The following MYO5A variants were observed in gnomAD, a reference collection of about 807,000 sequenced individuals.
MYO5A encodes the protein unconventional myosin-Va.
Under a neutral mutation model 249.7 loss-of-function variants are expected in MYO5A, and 98 were observed. The observed-to-expected ratio is 0.39, with a 90% CI of 0.33 to 0.46. MYO5A has a LOEUF of 0.46. Among genes scored for constraint, MYO5A ranks in the 20% least tolerant of loss-of-function variants. The pLI, the probability that MYO5A is intolerant of heterozygous loss-of-function variation, is 0.98. For missense variants in MYO5A, 1,696 were observed against 2,308.8 expected, an observed-to-expected ratio of 0.73 and a Z score of 5.44; for synonymous variants, 778 against 810.6, an observed-to-expected ratio of 0.96 and a Z score of 0.68.
At chr15:52,401,223 T>C (rs776108343) in intron 9 of MYO5A, among the ~76,000 whole-genome samples, 3 of 151,980 alleles carry the variant, frequency 2.0e-5, no homozygotes, top group African/African-American at 7.2e-5. Context: ...GGCATACGCA[T>C]GATGTCCAGC....
intron 1 of MYO5A, among the ~76,000 whole-genome samples, chr15:52,512,900 G>A (rs1392968962): frequency 1.3e-5 from 2 of 151,986 alleles, no homozygotes; most frequent in Middle Eastern, 3.4e-3. Context: ...GGCCGAGGTG[G>A]GTGGATCATG....
At chr15:52,370,104 A>C (rs1465846613) in intron 22 of MYO5A, 65 bp downstream of exon 22, 1 of 1,600,380 alleles carries the variant, frequency 6.2e-7, no homozygotes, top group Non-Finnish European at 8.6e-7. Flanking sequence ...CACACGGACC[A>C]AGTCATGATG....
At position 52,447,016 on chromosome 15, in the gene MYO5A, G is replaced by C. The variant is rs566046673; in HGVS notation, c.28-13731C>G. On this transcript the variant is annotated intron_variant, in intron 1 of 41. Coordinates refer to ENST00000399233, the MANE Select transcript of MYO5A (RefSeq NM_001382347.1). ...GACTTCTGAGTTAATAGTAGAATGA[G>C]TCAAGGCTTTGGGGGACTGTCGGGA... Among the ~76,000 whole-genome samples the C allele has an allele frequency of 8.7e-4, 133 of 152,282 alleles. 6 individuals carry two copies. In the South Asian group the frequency reaches 0.027, roughly 31 times the overall value.
chr15:52,322,175 C>G (rs1391961469), intron 37 of MYO5A, among the ~76,000 whole-genome samples: 1 of 152,266 alleles, frequency 6.6e-6, no homozygotes, highest in Non-Finnish European at 1.5e-5. Flanking sequence ...ATTCTCCCTA[C>G]AGCCAAGCAT....
intron 1 of MYO5A, among the ~76,000 whole-genome samples, chr15:52,507,803 C>CAA (rs146846192): frequency 5.5e-5 from 7 of 127,214 alleles, no homozygotes; most frequent in East Asian, 2.2e-4. Context: ...GACCCTGTCC[C>CAA]CAAAAAAAAA....
intron 31 of MYO5A, 121 bp downstream of exon 31, chr15:52,342,996 C>T: frequency 1.3e-6 from 1 of 796,310 alleles, no homozygotes; most frequent in Non-Finnish European, 2.2e-6. Context: ...CAATTACTAA[C>T]ACTAATTTAC....
chr15:52,508,394 AAAG>A (rs967515104), intron 1 of MYO5A, among the ~76,000 whole-genome samples: 97 of 152,286 alleles, frequency 6.4e-4, no homozygotes, highest in African/African-American at 2.3e-3. Flanking sequence ...AAAAAAAAAA[AAAG>A]TAGAACTAAC....
intron 1 of MYO5A, among the ~76,000 whole-genome samples, chr15:52,514,245 T>C (rs182665100): frequency 6.6e-6 from 1 of 152,320 alleles, no homozygotes; most frequent in African/African-American, 2.4e-5. Context: ...ATGTGAACCA[T>C]TGAATTATAC....
intron 1 of MYO5A, among the ~76,000 whole-genome samples, chr15:52,477,115 T>G (rs534193097): frequency 3.3e-5 from 5 of 152,362 alleles, no homozygotes; most frequent in East Asian, 3.9e-4. Context: ...TTCTCTAAAC[T>G]TCTCTTCTTG....
chr15:52,505,591 G>C lies in MYO5A; in HGVS notation c.27+23189C>G, dbSNP rs1042927741. ...TGAATCAAAGAAAGCCAAAAAACCT[G>C]CACTTGTTTCCAAGTCTTCCATCTT... On this transcript the variant is annotated intron_variant, in intron 1 of 41. Transcript: ENST00000399233. The C allele has an allele frequency of 1.4e-5, 21 of 1,501,860 alleles. No individual in the cohort carries two copies. In the African/African-American group the frequency reaches 2.6e-4, roughly 19 times the overall value. 93.0% of individuals were successfully genotyped at this position (1,501,860 alleles called of 1,614,324 possible). A position where few individuals can be genotyped will look rare whatever the true frequency, so the allele number is the denominator to read the frequency against.
chr15:52,439,562 T>C (rs11858927), intron 1 of MYO5A, among the ~76,000 whole-genome samples: 22,616 of 152,134 alleles, frequency 0.15, 1,778 homozygotes, highest in Middle Eastern at 0.22. Context: ...GTTGATTTTA[T>C]TTAAGACTGA....
In MYO5A at chr15:52,507,049, G is replaced by C. The variant is rs1181431115; in HGVS notation, c.27+21731C>G. On this transcript the variant is annotated intron_variant, in intron 1 of 41. Transcript: ENST00000399233. ...GAAGCTACTTTTTTTTCCCCCTGTA[G>C]AGGTCTTCCAGAAGATTTCTGGTTA... 2.6e-5 allele frequency among the ~76,000 whole-genome samples: 4 copies of C among 152,062 alleles called. No homozygotes were observed. The East Asian group carries it at 5.8e-4, about 22-fold the overall frequency.
chr15:52,510,824 TG>T (rs1289209820), intron 1 of MYO5A, among the ~76,000 whole-genome samples: 1 of 152,246 alleles, frequency 6.6e-6, no homozygotes, highest in East Asian at 1.9e-4. Flanking sequence ...CTAAGTCTAA[TG>T]TATAGAATGG....
Position 52,308,383 on chromosome 15 carries a change from C to G in MYO5A, c.*5313G>C, listed in dbSNP as rs554396665. ...CTTATAGCACGCTTTCCTGTTTTTA[C>G]TCAACCTTTTATAGTACAGGGTTCT... On this transcript the variant is annotated 3_prime_UTR_variant, in exon 42 of 42. Transcript: ENST00000399233. 1 of 152,266 alleles carries G rather than the reference C, an allele frequency of 6.6e-6. No individual in the cohort carries two copies. Among genetic ancestry groups the G allele is most frequent in the South Asian group, 2.1e-4 (1 of 4,814 alleles). The allele number at this position is 152,266 out of a possible 1,614,324, so 9.4% of individuals were successfully genotyped here.
At chr15:52,519,449 C>T (rs2077566517) in intron 1 of MYO5A, among the ~76,000 whole-genome samples, 1 of 151,818 alleles carries the variant, frequency 6.6e-6, no homozygotes, top group Non-Finnish European at 1.5e-5. Context: ...TCTGTCTCTA[C>T]AAAAATTAAA....
At chr15:52,502,976 A>G (rs2077188547) in intron 1 of MYO5A, among the ~76,000 whole-genome samples, 1 of 152,242 alleles carries the variant, frequency 6.6e-6, no homozygotes, top group East Asian at 1.9e-4. Flanking sequence ...CTAAAAAAGT[A>G]GGTCTCATGA....
At chr15:52,498,616 T>A (rs1195605988) in intron 1 of MYO5A, among the ~76,000 whole-genome samples, 1 of 152,240 alleles carries the variant, frequency 6.6e-6, no homozygotes, top group Non-Finnish European at 1.5e-5. Flanking sequence ...ATTGCCTTAG[T>A]GTTTTCTATT....
intron 2 of MYO5A, among the ~76,000 whole-genome samples, chr15:52,431,180 C>T (rs937658288): frequency 1.6e-5 from 2 of 126,818 alleles, no homozygotes; most frequent in Non-Finnish European, 3.1e-5. Flanking sequence ...TGCAGTGAGC[C>T]GAGATTGCAC....
intron 9 of MYO5A, among the ~76,000 whole-genome samples, chr15:52,404,688 G>C (rs1359188500): frequency 6.6e-6 from 1 of 152,140 alleles, no homozygotes; most frequent in Non-Finnish European, 1.5e-5. Flanking sequence ...TGTGAGACGT[G>C]AGTAAGAGCT....
Sources: gnomAD v4.1 joint callset for allele counts (sites outside exome capture counted in the v4.1 genomes callset) on GRCh38, gnomAD v4.1.1 for gene constraint, MANE v1.5 for transcripts, NCBI Gene and HGNC (gene_info 2026-07-23, HGNC 2026-07-21) for gene names.